Variants in ARL9 observed in about 807,000 individuals in gnomAD.
The protein encoded by ARL9 is ARF like GTPase 9.
In ARL9, 14 loss-of-function variants were observed where a neutral mutation model predicts 27.0. The ratio of observed to expected loss-of-function variants is 0.52; its 90% confidence interval spans 0.34 to 0.81. The LOEUF is 0.81. Among genes scored for constraint, ARL9 ranks in the 30% least tolerant of loss-of-function variants. ARL9 has a pLI of 0.01. For synonymous variants in ARL9, 106 were observed against 108.7 expected (o/e 0.98, Z 0.15); for missense variants, 294 against 290.0 (o/e 1.01, Z -0.10).
chr4:56,516,291 G>A (rs1004968256), intron 2 of ARL9, among the ~76,000 whole-genome samples: 2 of 151,980 alleles, frequency 1.3e-5, no homozygotes, highest in South Asian at 4.2e-4. Flanking sequence ...ATGACTTCAG[G>A]ATAGAGAAAG....
chr4:56,522,835 T>C (rs1721964564), intron 3 of ARL9, among the ~76,000 whole-genome samples: 5 of 152,172 alleles, frequency 3.3e-5, no homozygotes, highest in Admixed American at 2.0e-4. Context: ...TGAACCTCCT[T>C]TTCCCACTGC....
rs146059293 is a variant in ARL9 at position 56,516,679 on chromosome 4, C to T, written c.443-1999C>T. 2.7e-3 allele frequency among the ~76,000 whole-genome samples: 410 copies of T among 151,976 alleles called. 1 individual carries two copies. The highest frequency in any genetic ancestry group is 4.9e-3 in the Non-Finnish European group (336 of 67,988). On this transcript the variant is annotated intron_variant, in intron 2 of 3. Transcript: ENST00000640821. ...GGTGCAGTGGCTCACACCTGTAATCCCAGCACTTTGGGAAGCCAAGGTGGG... is the reference window on the plus strand; with the variant it reads ...GGTGCAGTGGCTCACACCTGTAATCTCAGCACTTTGGGAAGCCAAGGTGGG...
At chr4:56,510,921 G>A (rs182537709) in intron 1 of ARL9, among the ~76,000 whole-genome samples, 92 of 151,968 alleles carry the variant, frequency 6.1e-4, no homozygotes, top group African/African-American at 2.2e-3. Context: ...ACAGGTGCAC[G>A]CCACCACACC....
intron 1 of ARL9, among the ~76,000 whole-genome samples, chr4:56,508,482 A>G (rs1318724679): frequency 6.6e-6 from 1 of 152,032 alleles, no homozygotes. Context: ...TCCCAGGTTC[A>G]AGTGATTGTC....
Position 56,505,900 on chromosome 4 carries a change from A to T in ARL9, c.38A>T (p.Lys13Met). Residue 13 changes from lysine to methionine, a missense_variant, in exon 1 of 4, where the codon AAG becomes ATG. Transcript: ENST00000640821. The part of the protein sequence containing the change: ...RGKVKKKEKE[K>M]ETQEEKIGEK... ...AAAGTGAAGAAGAAAGAGAAGGAAA[A>T]GGAGACGCAGGAGGAGAAAATCGGA... 3.2e-6 allele frequency: 4 copies of T among 1,256,472 alleles called. No homozygotes were observed. The highest frequency in any genetic ancestry group is 4.0e-6 in the Non-Finnish European group (4 of 1,001,416). 77.8% of individuals were successfully genotyped at this position (1,256,472 alleles called of 1,614,324 possible). A position where few individuals can be genotyped will look rare whatever the true frequency, so the allele number is the denominator to read the frequency against.
At chr4:56,523,575 A>G (rs1337975942) in intron 3 of ARL9, 122 bp from the exon 4 acceptor site, 3 of 738,746 alleles carry the variant, frequency 4.1e-6, no homozygotes, top group Non-Finnish European at 6.5e-6. Flanking sequence ...TGGAGTCACA[A>G]TAGCCTCTAT....
intron 1 of ARL9, chr4:56,506,789 TGTGTGTGTGTGTGTGTGTGTG>T (rs1721477474): frequency 1.3e-5 from 2 of 153,004 alleles, no homozygotes; most frequent in Admixed American, 7.8e-5. Flanking sequence ...AACACAGTTG[TGTGTGTGTGTGTGTGTGTGTG>T]TGTGTGTGTG....
In ARL9 at chr4:56,521,100, G is replaced by A. The variant is rs140539945; in HGVS notation, c.618+2247G>A. On this transcript the variant is annotated intron_variant, in intron 3 of 3. Coordinates refer to ENST00000640821, the MANE Select transcript of ARL9 (RefSeq NM_001363794.2). ...GTGGTGCATGACTGTAGTCCCAGCT[G>A]TTCAGGAGGCTGAGGCAGGAGAATC... 7.2e-4 allele frequency among the ~76,000 whole-genome samples: 109 copies of A among 151,890 alleles called. 1 individual carries two copies. The highest frequency in any genetic ancestry group is 2.4e-4 in the Non-Finnish European group (16 of 67,982).
chr4:56,506,519 C>T (rs1248961491), intron 1 of ARL9: 2 of 673,396 alleles, frequency 3.0e-6, no homozygotes, highest in Non-Finnish European at 3.7e-6. Flanking sequence ...CCCGAACCCT[C>T]CCCACACGCA....
intron 2 of ARL9, among the ~76,000 whole-genome samples, chr4:56,511,736 C>G (rs1721641069): frequency 6.6e-6 from 1 of 152,126 alleles, no homozygotes; most frequent in Admixed American, 6.5e-5. Context: ...GATGGCAGTC[C>G]ACAGGCCCCT....
intron 1 of ARL9, among the ~76,000 whole-genome samples, chr4:56,508,408 G>A (rs373038251): frequency 2.0e-5 from 3 of 151,838 alleles, no homozygotes; most frequent in African/African-American, 7.3e-5. Context: ...TTGAGACAGA[G>A]TTTCACTCAT....
At chr4:56,505,635 C>T (rs558367749), upstream of ARL9, 6 of 686,686 alleles carry the variant, frequency 8.7e-6, no homozygotes, top group Non-Finnish European at 1.4e-5. Context: ...CCGCCCTTCC[C>T]TCTTTGCGAA....
At chr4:56,513,371 C>G (rs752778734) in intron 2 of ARL9, among the ~76,000 whole-genome samples, 3 of 152,312 alleles carry the variant, frequency 2.0e-5, no homozygotes, top group East Asian at 3.9e-4. Flanking sequence ...TTGCCTATAT[C>G]TCTTCATCAA....
chr4:56,509,449 G>T (rs915206446), intron 1 of ARL9, among the ~76,000 whole-genome samples: 1 of 151,726 alleles, frequency 6.6e-6, no homozygotes, highest in African/African-American at 2.4e-5. Flanking sequence ...ATCCACCAGC[G>T]TCAGCCTCCT....
chr4:56,507,075 C>A (rs1393118954), intron 1 of ARL9, among the ~76,000 whole-genome samples: 1 of 151,748 alleles, frequency 6.6e-6, no homozygotes, highest in Non-Finnish European at 1.5e-5. Flanking sequence ...GGATTACAGG[C>A]GTGAGCCACC....
intron 2 of ARL9, among the ~76,000 whole-genome samples, chr4:56,516,055 A>C (rs1260470334): frequency 6.6e-6 from 1 of 152,218 alleles, no homozygotes; most frequent in Non-Finnish European, 1.5e-5. Context: ...CTTATTATAA[A>C]GATATGAAAC....
At chr4:56,520,177 ATT>A (rs1721878919) in intron 3 of ARL9, among the ~76,000 whole-genome samples, 1 of 152,016 alleles carries the variant, frequency 6.6e-6, no homozygotes, top group Non-Finnish European at 1.5e-5. Context: ...TAATTTTTGT[ATT>A]TTTAGTAGAG....
chr4:56,513,534 C>A (rs1439663934), intron 2 of ARL9, among the ~76,000 whole-genome samples: 1 of 152,104 alleles, frequency 6.6e-6, no homozygotes, highest in Admixed American at 6.5e-5. Context: ...TTTTTTAAAG[C>A]ATCGAAGAAC....
upstream of ARL9, chr4:56,505,613 A>G (rs1489495494): frequency 3.3e-6 from 2 of 614,972 alleles, no homozygotes; most frequent in African/African-American, 3.7e-5. Context: ...GGCTCAATCC[A>G]TCCGTACGCC....
Sources: gnomAD v4.1 joint callset for allele counts (sites outside exome capture counted in the v4.1 genomes callset) on GRCh38, gnomAD v4.1.1 for gene constraint, MANE v1.5 for transcripts, NCBI Gene and HGNC (gene_info 2026-07-23, HGNC 2026-07-21) for gene names.